NUP37: variants seen among roughly 807,000 people sequenced by gnomAD.
NUP37 encodes nucleoporin Nup37.
In NUP37, 33 loss-of-function variants were observed where a neutral mutation model predicts 45.4. That is an observed-to-expected ratio of 0.73 (90% CI 0.55 to 0.97). NUP37 has a LOEUF of 0.97. Ranked by LOEUF, NUP37 falls within the 50% of genes least tolerant of loss-of-function variation. The pLI, the probability that NUP37 is intolerant of heterozygous loss-of-function variation, is 0.00. For missense variants in NUP37, 365 were observed against 389.7 expected (o/e 0.94, Z 0.53); for synonymous variants, 127 against 130.7 (o/e 0.97, Z 0.19).
chr12:102,079,821 A>G (rs924172325), intron 6 of NUP37, among the ~76,000 whole-genome samples: 2 of 152,210 alleles, frequency 1.3e-5, no homozygotes, highest in African/African-American at 4.8e-5. Flanking sequence ...ACATATTTAC[A>G]GTATGAAAGC....
chr12:102,094,370 T>C (rs1410185645), intron 5 of NUP37, among the ~76,000 whole-genome samples: 3 of 152,122 alleles, frequency 2.0e-5, no homozygotes, highest in East Asian at 1.9e-4. Context: ...GCATGGTTTA[T>C]GCACTCCCAG....
intron 5 of NUP37, among the ~76,000 whole-genome samples, chr12:102,095,422 T>C (rs975479918): frequency 6.6e-6 from 1 of 152,116 alleles, no homozygotes; most frequent in Non-Finnish European, 1.5e-5. Flanking sequence ...AACCTGTGTA[T>C]ATATGTGTGC....
chr12:102,083,628 C>T (rs987891145), intron 6 of NUP37, among the ~76,000 whole-genome samples: 8 of 152,316 alleles, frequency 5.3e-5, no homozygotes, highest in Middle Eastern at 3.4e-3. Flanking sequence ...GGACTTTATT[C>T]ATTCTTTTAT....
chr12:102,117,441 GAAAAA>G (rs55747025), intron 2 of NUP37, among the ~76,000 whole-genome samples: 1 of 146,374 alleles, frequency 6.8e-6, no homozygotes, highest in African/African-American at 2.5e-5. Flanking sequence ...AACTCTGTCT[GAAAAA>G]AAAAAATAAA....
At chr12:102,080,585 C>T (rs1304165223) in intron 6 of NUP37, among the ~76,000 whole-genome samples, 1 of 152,192 alleles carries the variant, frequency 6.6e-6, no homozygotes, top group Non-Finnish European at 1.5e-5. Context: ...ATTTAATCCC[C>T]TAAACCACTG....
In NUP37 at chr12:102,075,036, T is replaced by C. The variant is rs138365807; in HGVS notation, c.832A>G (p.Ser278Gly). Residue 278 changes from serine (S) to glycine (G), a missense_variant, in exon 9 of 10, where the codon AGC (serine) becomes GGC (glycine). Coordinates refer to ENST00000552283, the MANE Select transcript of NUP37 (RefSeq NM_024057.4). ...ATTGYPGKMA[S>G]QFQIHHLGHP... Reference sequence around the variant, plus strand: ...CCTAAATGATGAATTTGAAACTGGCTTGCCATTTTGCCAGGATAACCAGTG... The same window carrying C: ...CCTAAATGATGAATTTGAAACTGGCCTGCCATTTTGCCAGGATAACCAGTG... 9.3e-6 allele frequency: 15 copies of C among 1,611,168 alleles called. No individual in the cohort carries two copies. Among genetic ancestry groups the C allele is most frequent in the Non-Finnish European group, 1.2e-5 (14 of 1,178,290 alleles).
At chr12:102,116,612 C>T (rs1338939830) in intron 2 of NUP37, among the ~76,000 whole-genome samples, 1 of 152,244 alleles carries the variant, frequency 6.6e-6, no homozygotes, top group Non-Finnish European at 1.5e-5. Flanking sequence ...TCAATTCACA[C>T]TTCCTCTTAA....
At chr12:102,110,006 T>C (rs1880264997) in intron 3 of NUP37, among the ~76,000 whole-genome samples, 1 of 152,226 alleles carries the variant, frequency 6.6e-6, no homozygotes, top group South Asian at 2.1e-4. Flanking sequence ...TTACGTGTGC[T>C]GACAAAAGCT....
intron 6 of NUP37, 53 bp from the exon 7 acceptor site, chr12:102,077,556 C>T: frequency 1.3e-6 from 2 of 1,492,832 alleles, no homozygotes; most frequent in Non-Finnish European, 1.8e-6. Flanking sequence ...ACTAACTATA[C>T]CTGAAGTGTA....
At position 102,101,170 on chromosome 12, in the gene NUP37, C is replaced by G. The variant is rs568318688; in HGVS notation, c.282-66G>C. The G allele has an allele frequency of 1.3e-4, 102 of 762,168 alleles. 1 individual carries two copies. In the South Asian group the frequency reaches 1.8e-3, roughly 13 times the overall value. 47.2% of individuals were successfully genotyped at this position (762,168 alleles called of 1,614,324 possible). A position where few individuals can be genotyped will look rare whatever the true frequency, so the allele number is the denominator to read the frequency against. ...TGTAAGTGAAAGGTCTCCCCCTCCC[C>G]CCCATCCTTCCCTTCAGATCACTGA... On this transcript the variant is annotated intron_variant, in intron 3 of 9. Coordinates refer to ENST00000552283, the MANE Select transcript of NUP37 (RefSeq NM_024057.4).
intron 9 of NUP37, 74 bp downstream of exon 9, chr12:102,074,927 C>T (rs1426971692): frequency 1.5e-5 from 12 of 805,082 alleles, no homozygotes; most frequent in Non-Finnish European, 2.3e-5. Context: ...AAATTTGGGG[C>T]TATGAGTGGA....
In NUP37 at chr12:102,074,247, T is replaced by A. The variant is rs1190046360; in HGVS notation, c.*107A>T. The A allele has an allele frequency of 1.7e-6, 1 of 584,968 alleles. No individual in the cohort carries two copies. The highest frequency in any genetic ancestry group is 2.9e-6 in the Non-Finnish European group (1 of 339,580). 36.2% of individuals were successfully genotyped at this position (584,968 alleles called of 1,614,324 possible). ...AAAGCAACTGAGACATTTTCTAAAGTATACGGTATATTTGATATAAAAATT... is the reference window on the plus strand; with the variant it reads ...AAAGCAACTGAGACATTTTCTAAAGAATACGGTATATTTGATATAAAAATT... On this transcript the variant is annotated 3_prime_UTR_variant, in exon 10 of 10. Transcript: ENST00000552283.
intron 2 of NUP37, among the ~76,000 whole-genome samples, chr12:102,113,717 A>C (rs1352808990): frequency 2.0e-5 from 3 of 152,216 alleles, no homozygotes; most frequent in Non-Finnish European, 4.4e-5. Flanking sequence ...TCAGGGAAAA[A>C]ATCCAGCAGG....
intron 5 of NUP37, among the ~76,000 whole-genome samples, chr12:102,097,339 G>T (rs1879832859): frequency 2.6e-5 from 4 of 152,056 alleles, no homozygotes. Flanking sequence ...ATGTAGTCAG[G>T]TTTTTAAAAA....
intron 2 of NUP37, among the ~76,000 whole-genome samples, chr12:102,117,683 C>T (rs1392321279): frequency 6.6e-6 from 1 of 151,568 alleles, no homozygotes; most frequent in Non-Finnish European, 1.5e-5. Context: ...TTGTCAGATG[C>T]CCTCTTGGAA....
In NUP37 at chr12:102,090,937, C is replaced by G. The variant is rs73382893; in HGVS notation, c.450-5081G>C. 3.4e-3 allele frequency among the ~76,000 whole-genome samples: 510 copies of G among 152,206 alleles called. 2 individuals carry two copies. Among genetic ancestry groups the G allele is most frequent in the African/African-American group, 0.011 (476 of 41,502 alleles). On this transcript the variant is annotated intron_variant, in intron 5 of 9. Transcript: ENST00000552283. The stretch of plus-strand genomic sequence containing the variant: ...TTTTGTTATCTAAGAAACTTTTGGT[C>G]TAGACCACGTCAGACAACAGGATTT...
rs1310268754 is a variant in NUP37 at position 102,101,067 on chromosome 12, ATAATC to A, written c.314_318del (p.Arg105IlefsTer8). On this transcript the variant is annotated frameshift_variant, in exon 4 of 10. Transcript: ENST00000552283. LOFTEE classifies it high-confidence loss of function. Reference sequence around the variant, plus strand: ...TTTTTATCCTGAAGATCTGAAGTAAATAATCTAATTTTCATATCAGCAGCTGAAGT... The same window carrying A: ...TTTTTATCCTGAAGATCTGAAGTAAATAATTTTCATATCAGCAGCTGAAGT... The A allele has an allele frequency of 6.4e-7, 1 of 1,565,474 alleles. No homozygotes were observed. Among genetic ancestry groups the A allele is most frequent in the Non-Finnish European group, 8.7e-7 (1 of 1,151,384 alleles).
In NUP37 at chr12:102,076,552, GGGTGGTAGT is replaced by G. The variant is rs1481864845; in HGVS notation, c.773+236_773+244del. The stretch of plus-strand genomic sequence containing the variant: ...AAGCATAATATATTCCAAATTGTAG[GGGTGGTAGT>G]GGTGGAGTGGTTACATGTTTTTCTG... On this transcript the variant is annotated intron_variant, in intron 8 of 9. Coordinates refer to ENST00000552283, the MANE Select transcript of NUP37 (RefSeq NM_024057.4). Among the ~76,000 whole-genome samples the G allele has an allele frequency of 2.0e-5, 3 of 152,154 alleles. No individual in the cohort carries two copies. In the East Asian group the frequency reaches 5.8e-4, roughly 29 times the overall value.
intron 5 of NUP37, among the ~76,000 whole-genome samples, chr12:102,091,379 C>T (rs1243276067): frequency 9.4e-6 from 1 of 106,706 alleles, no homozygotes; most frequent in Admixed American, 1.5e-4. Flanking sequence ...GCCCGGGAAA[C>T]AGAGTGAGAG....
Sources: allele counts gnomAD v4.1 joint callset (sites outside exome capture counted in the v4.1 genomes callset), GRCh38; gene constraint gnomAD v4.1.1; transcripts MANE v1.5; gene names NCBI Gene and HGNC (gene_info 2026-07-23, HGNC 2026-07-21).